TMEM108: variants seen among roughly 807,000 people sequenced by gnomAD.
TMEM108 encodes the protein transmembrane protein 108.
Under a neutral mutation model 35.1 loss-of-function variants are expected in TMEM108, and 12 were observed. The observed-to-expected ratio is 0.34, with a 90% confidence interval of 0.22 to 0.55. TMEM108 has a LOEUF of 0.55. TMEM108 is among the 20% of genes least tolerant of loss of function. The pLI is 0.89. For synonymous variants in TMEM108, 287 were observed against 308.6 expected (o/e 0.93, Z 0.73); for missense variants, 680 against 753.3 (o/e 0.90, Z 1.14).
At chr3:133,332,082 G>GCGCA (rs1375377477) in intron 3 of TMEM108, among the ~76,000 whole-genome samples, 7 of 150,916 alleles carry the variant, frequency 4.6e-5, no homozygotes, top group African/African-American at 9.7e-5. Context: ...GTGCGCACGT[G>GCGCA]CACACACACA....
At chr3:133,370,055 A>G (rs1345421176) in intron 3 of TMEM108, among the ~76,000 whole-genome samples, 3 of 151,834 alleles carry the variant, frequency 2.0e-5, no homozygotes, top group Admixed American at 6.6e-5. Context: ...TTCCTCTGTG[A>G]TTAGCATCTT....
intron 2 of TMEM108, among the ~76,000 whole-genome samples, chr3:133,197,631 G>A (rs1394920119): frequency 6.6e-6 from 1 of 152,142 alleles, no homozygotes; most frequent in East Asian, 1.9e-4. Context: ...CATCTGCATT[G>A]TTGGAGAAAC....
intron 2 of TMEM108, among the ~76,000 whole-genome samples, chr3:133,194,626 C>A (rs1315102276): frequency 6.6e-6 from 1 of 150,702 alleles, no homozygotes; most frequent in South Asian, 2.1e-4. Flanking sequence ...TATCTAAGTT[C>A]TACCATCTCT....
At chr3:133,332,663 G>A (rs751367840) in intron 3 of TMEM108, among the ~76,000 whole-genome samples, 4 of 152,132 alleles carry the variant, frequency 2.6e-5, no homozygotes, top group African/African-American at 4.8e-5. Flanking sequence ...ATTTCAAGAC[G>A]TTTCTCAAAA....
At chr3:133,058,957 C>G (rs1943505253) in intron 2 of TMEM108, among the ~76,000 whole-genome samples, 1 of 152,202 alleles carries the variant, frequency 6.6e-6, no homozygotes, top group African/African-American at 2.4e-5. Flanking sequence ...TTATAAACAA[C>G]AGAAATTTAT....
At chr3:133,386,749 T>C (rs1237247938) in intron 4 of TMEM108, 1 of 1,246,648 alleles carries the variant, frequency 8.0e-7, no homozygotes, top group Non-Finnish European at 1.0e-6. Context: ...TACAAAACGC[T>C]TCTGCATATG....
Position 133,364,886 on chromosome 3 carries a change from C to A in TMEM108, c.41-14866C>A, listed in dbSNP as rs564872648. 3.3e-5 allele frequency among the ~76,000 whole-genome samples: 5 copies of A among 152,248 alleles called. No individual in the cohort carries two copies. In the South Asian group the frequency reaches 1.0e-3, roughly 32 times the overall value. Reference sequence around the variant, plus strand: ...GGAAAGTAAGAGAAGCCGGATCAGGCAGGGGGGGAAGTTGGGCTGCAACAC... The same window carrying A: ...GGAAAGTAAGAGAAGCCGGATCAGGAAGGGGGGGAAGTTGGGCTGCAACAC... On this transcript the variant is annotated intron_variant, in intron 3 of 5. Transcript: ENST00000321871.
At chr3:133,393,480 A>G (rs6802663) in intron 5 of TMEM108, among the ~76,000 whole-genome samples, 82,723 of 152,084 alleles carry the variant, frequency 0.54, 22,507 homozygotes, top group East Asian at 0.56. Context: ...AATGTTTATC[A>G]TGTGAATGAA....
At chr3:133,127,129 T>C (rs189179938) in intron 2 of TMEM108, among the ~76,000 whole-genome samples, 6 of 152,326 alleles carry the variant, frequency 3.9e-5, no homozygotes, top group African/African-American at 1.4e-4. Context: ...ATACTTGATC[T>C]GTACTTAGAT....
intron 3 of TMEM108, among the ~76,000 whole-genome samples, chr3:133,339,589 A>G (rs926762210): frequency 2.0e-5 from 3 of 151,938 alleles, no homozygotes; most frequent in East Asian, 1.9e-4. Context: ...AATATGCACT[A>G]TAAACCAAAT....
chr3:133,211,662 AT>A (rs1409039605), intron 2 of TMEM108, among the ~76,000 whole-genome samples: 3 of 152,188 alleles, frequency 2.0e-5, no homozygotes, highest in Non-Finnish European at 4.4e-5. Context: ...TGTCATTCTA[AT>A]AAGCCTCAAA....
intron 2 of TMEM108, among the ~76,000 whole-genome samples, chr3:133,206,081 G>C (rs1359974745): frequency 6.6e-6 from 1 of 152,298 alleles, no homozygotes. Flanking sequence ...TCTGCTGCCT[G>C]ATCAATTCAG....
intron 3 of TMEM108, among the ~76,000 whole-genome samples, chr3:133,285,526 C>A (rs1946972241): frequency 6.6e-6 from 1 of 152,224 alleles, no homozygotes; most frequent in African/African-American, 2.4e-5. Flanking sequence ...GAAGCACGCA[C>A]AGGCAGCTTG....
chr3:133,323,137 A>G (rs199535744), intron 3 of TMEM108, among the ~76,000 whole-genome samples: 53 of 152,338 alleles, frequency 3.5e-4, no homozygotes, highest in African/African-American at 1.2e-3. Context: ...TCTATTCAAC[A>G]TAGTACTAAA....
chr3:133,186,728 T>C (rs1325521496), intron 2 of TMEM108, among the ~76,000 whole-genome samples: 1 of 152,206 alleles, frequency 6.6e-6, no homozygotes, highest in African/African-American at 2.4e-5. Flanking sequence ...CTTTTCTAAT[T>C]GTAGGTTTCA....
chr3:133,266,412 A>G (rs1486283547), intron 3 of TMEM108, among the ~76,000 whole-genome samples: 4 of 152,250 alleles, frequency 2.6e-5, no homozygotes, highest in Non-Finnish European at 4.4e-5. Flanking sequence ...AAGTACTCAC[A>G]TAACATTGTC....
intron 2 of TMEM108, among the ~76,000 whole-genome samples, chr3:133,156,622 G>A (rs1057462942): frequency 4.6e-5 from 7 of 152,178 alleles, no homozygotes; most frequent in Non-Finnish European, 7.3e-5. Context: ...AGTAGAAATC[G>A]AATGAGATAA....
intron 2 of TMEM108, among the ~76,000 whole-genome samples, chr3:133,118,177 G>A (rs1198664877): frequency 2.0e-5 from 3 of 152,112 alleles, no homozygotes; most frequent in African/African-American, 4.8e-5. Context: ...CTGGGGACTG[G>A]CAGAGTACTT....
intron 3 of TMEM108, among the ~76,000 whole-genome samples, chr3:133,261,623 C>T (rs951287473): frequency 2.0e-5 from 3 of 152,160 alleles, no homozygotes; most frequent in Non-Finnish European, 4.4e-5. Context: ...TCACAAGATC[C>T]AAACTGCATT....
Sources: allele counts gnomAD v4.1 joint callset (sites outside exome capture counted in the v4.1 genomes callset), GRCh38; gene constraint gnomAD v4.1.1; transcripts MANE v1.5; gene names NCBI Gene and HGNC (gene_info 2026-07-23, HGNC 2026-07-21).